SH3RF3: variants seen among roughly 807,000 people sequenced by gnomAD.
SH3RF3 encodes SH3 domain containing ring finger 3.
In SH3RF3, 29 loss-of-function variants were observed where a neutral mutation model predicts 66.3. The observed-to-expected ratio is 0.44, with a 90% CI of 0.33 to 0.60. The LOEUF (loss-of-function observed/expected upper bound fraction) is 0.60, where lower values mean the gene tolerates loss of function less well. SH3RF3 is among the 20% of genes least tolerant of loss of function. The pLI, the probability that SH3RF3 is intolerant of heterozygous loss-of-function variation, is 0.04. For synonymous variants in SH3RF3, 583 were observed against 532.0 expected, an observed-to-expected ratio of 1.10 and a Z score of -1.32; for missense variants, 1,194 against 1,190.9, an observed-to-expected ratio of 1.00 and a Z score of -0.04.
chr2:109,318,324 C>T (rs111680919), intron 1 of SH3RF3, among the ~76,000 whole-genome samples: 4,545 of 152,124 alleles, frequency 0.03, 78 homozygotes, highest in Non-Finnish European at 0.04. Flanking sequence ...TGGTGCCTCC[C>T]GGCCCCCAGC....
intron 3 of SH3RF3, among the ~76,000 whole-genome samples, chr2:109,376,439 C>T (rs1683386129): frequency 6.6e-6 from 1 of 152,172 alleles, no homozygotes; most frequent in African/African-American, 2.4e-5. Context: ...GGGTGGGTGG[C>T]TTGCATGGAG....
rs535278302 is a variant in SH3RF3 at position 109,504,402 on chromosome 2, G to A, written c.*2731G>A. ...GAGGCAGAGAGGATGGCGGCCACGGGTGCTCTCCTGGCATCCTCATGGGGT... is the reference window on the plus strand; with the variant it reads ...GAGGCAGAGAGGATGGCGGCCACGGATGCTCTCCTGGCATCCTCATGGGGT... On this transcript the variant is annotated 3_prime_UTR_variant, in exon 10 of 10. Transcript: ENST00000309415. The A allele has an allele frequency of 2.0e-5, 3 of 152,350 alleles. No individual in the cohort carries two copies. The highest frequency in any genetic ancestry group is 4.1e-4 in the South Asian group (2 of 4,826). The allele number at this position is 152,350 out of a possible 1,614,324, so 9.4% of individuals were successfully genotyped here. A position where few individuals can be genotyped will look rare whatever the true frequency, so the allele number is the denominator to read the frequency against.
chr2:109,163,175 C>T (rs1677529849), intron 1 of SH3RF3, among the ~76,000 whole-genome samples: 1 of 152,174 alleles, frequency 6.6e-6, no homozygotes, highest in South Asian at 2.1e-4. Context: ...ACTGAGCTCA[C>T]CCCCGAGGCG....
At chr2:109,343,748 T>TG (rs1682614745) in intron 1 of SH3RF3, among the ~76,000 whole-genome samples, 1 of 151,206 alleles carries the variant, frequency 6.6e-6, no homozygotes, top group African/African-American at 2.4e-5. Context: ...GGTTTCCTTT[T>TG]TTTTTTTTTT....
intron 1 of SH3RF3, among the ~76,000 whole-genome samples, chr2:109,265,963 T>C (rs940285739): frequency 1.6e-4 from 25 of 152,090 alleles, no homozygotes; most frequent in African/African-American, 5.8e-4. Flanking sequence ...GAGAAATCCT[T>C]GGGAGCCCAG....
chr2:109,446,373 GT>G (rs1196522910), intron 7 of SH3RF3, among the ~76,000 whole-genome samples: 13 of 152,202 alleles, frequency 8.5e-5, no homozygotes, highest in Non-Finnish European at 1.8e-4. Flanking sequence ...AAGCAGCCAT[GT>G]CCCCACCTCA....
At chr2:109,391,723 T>C (rs1483499213) in intron 3 of SH3RF3, among the ~76,000 whole-genome samples, 1 of 152,116 alleles carries the variant, frequency 6.6e-6, no homozygotes, top group East Asian at 1.9e-4. Context: ...CTTCTGTGAA[T>C]AAAGGGAAGG....
chr2:109,205,791 G>A (rs1274022312), intron 1 of SH3RF3, among the ~76,000 whole-genome samples: 5 of 152,262 alleles, frequency 3.3e-5, no homozygotes, highest in African/African-American at 9.6e-5. Context: ...CTGAAGCAGC[G>A]GGGGGATCAG....
chr2:109,252,921 G>GT (rs1558983593), intron 1 of SH3RF3, among the ~76,000 whole-genome samples: 1 of 152,220 alleles, frequency 6.6e-6, no homozygotes, highest in East Asian at 1.9e-4. Flanking sequence ...TCAGCCCATC[G>GT]TAAGTAGGGG....
chr2:109,422,102 G>C lies in SH3RF3; in HGVS notation c.1403+2460G>C, dbSNP rs74375514. On this transcript the variant is annotated intron_variant, in intron 5 of 9. Coordinates refer to ENST00000309415, the MANE Select transcript of SH3RF3 (RefSeq NM_001099289.3). ...TGGCAAGTACCCGGGGTGGGGGTCT[G>C]ATCTAACCATTCTTCCCAAAATAGC... is the stretch of plus-strand genomic sequence containing the variant. 8.9e-3 allele frequency among the ~76,000 whole-genome samples: 1,351 copies of C among 152,344 alleles called. 68 individuals are homozygous for C. Among genetic ancestry groups the C allele is most frequent in the Admixed American group, 0.07 (1,076 of 15,296 alleles).
At chr2:109,284,814 CAT>C (rs149643821) in intron 1 of SH3RF3, among the ~76,000 whole-genome samples, 4,450 of 152,164 alleles carry the variant, frequency 0.029, 219 homozygotes, top group African/African-American at 0.1. Flanking sequence ...TGTCAGATGA[CAT>C]GTGTGTGGGG....
chr2:109,269,137 G>T (rs1405806830), intron 1 of SH3RF3, among the ~76,000 whole-genome samples: 1 of 152,228 alleles, frequency 6.6e-6, no homozygotes, highest in South Asian at 2.1e-4. Context: ...CATTGGAAGC[G>T]TGGGCATCAT....
At chr2:109,132,863 A>C (rs1360429788) in intron 1 of SH3RF3, among the ~76,000 whole-genome samples, 1 of 152,254 alleles carries the variant, frequency 6.6e-6, no homozygotes, top group African/African-American at 2.4e-5. Flanking sequence ...TTGCTAAAAG[A>C]GTTTTGTGGT....
At chr2:109,221,982 A>T (rs77077269) in intron 1 of SH3RF3, among the ~76,000 whole-genome samples, 22 of 82,846 alleles carry the variant, frequency 2.7e-4, no homozygotes, top group Admixed American at 6.9e-4. Context: ...TGAATGGATT[A>T]AAAAAAAAAA....
intron 1 of SH3RF3, among the ~76,000 whole-genome samples, chr2:109,293,874 C>G (rs186790947): frequency 7.2e-5 from 11 of 152,212 alleles, no homozygotes; most frequent in Non-Finnish European, 1.2e-4. Context: ...ACATTTCCCT[C>G]CTGTGAAACA....
At chr2:109,435,432 A>G (rs73953108) in intron 6 of SH3RF3, among the ~76,000 whole-genome samples, 5,308 of 152,344 alleles carry the variant, frequency 0.035, 281 homozygotes, top group African/African-American at 0.11. Flanking sequence ...TCCTTCCTGC[A>G]TAGACCTGGA....
In SH3RF3 at chr2:109,152,088, A is replaced by T. The variant is rs368421834; in HGVS notation, c.573+21975A>T. On this transcript the variant is annotated intron_variant, in intron 1 of 9. Coordinates refer to ENST00000309415, the MANE Select transcript of SH3RF3 (RefSeq NM_001099289.3). ...TCTATTTTCAGTGGTCTTGATGGAC[A>T]TGGAGTCTAATTTTGTTTTTCTCCT... 2.6e-5 allele frequency among the ~76,000 whole-genome samples: 4 copies of T among 152,366 alleles called. No individual in the cohort carries two copies. In the South Asian group the frequency reaches 6.2e-4, roughly 24 times the overall value.
At chr2:109,396,334 A>T (rs1204871344) in intron 3 of SH3RF3, among the ~76,000 whole-genome samples, 2 of 152,206 alleles carry the variant, frequency 1.3e-5, no homozygotes, top group Non-Finnish European at 2.9e-5. Context: ...ATAACCCTAG[A>T]TTTAGATCAC....
chr2:109,306,059 C>T (rs1681589365), intron 1 of SH3RF3, among the ~76,000 whole-genome samples: 1 of 152,154 alleles, frequency 6.6e-6, no homozygotes, highest in Admixed American at 6.5e-5. Context: ...TTACTGGCAG[C>T]GACAGTGGGA....
Sources: allele counts gnomAD v4.1 joint callset (sites outside exome capture counted in the v4.1 genomes callset), GRCh38; gene constraint gnomAD v4.1.1; transcripts MANE v1.5; gene names NCBI Gene and HGNC (gene_info 2026-07-23, HGNC 2026-07-21).